Variants in MAP2K4 observed in about 807,000 individuals in gnomAD.
The protein encoded by MAP2K4 is mitogen-activated protein kinase kinase 4.
Under a neutral mutation model 48.5 loss-of-function variants are expected in MAP2K4, and 4 were observed. The observed-to-expected ratio is 0.08, with a 90% CI of 0.04 to 0.19. The LOEUF (loss-of-function observed/expected upper bound fraction) is 0.19. Ranked by LOEUF, MAP2K4 falls within the 10% of genes least tolerant of loss-of-function variation. MAP2K4 has a pLI of 1.00. For missense variants in MAP2K4, 258 were observed against 493.3 expected (o/e 0.52, Z 4.52); for synonymous variants, 166 against 173.1 (o/e 0.96, Z 0.32).
At chr17:12,031,438 A>G (rs1969434311) in intron 1 of MAP2K4, among the ~76,000 whole-genome samples, 1 of 152,246 alleles carries the variant, frequency 6.6e-6, no homozygotes, top group Non-Finnish European at 1.5e-5. Flanking sequence ...TCCCCAAAAC[A>G]CAAGCGTAGA....
chr17:12,125,979 C>T (rs1972838746), intron 8 of MAP2K4, among the ~76,000 whole-genome samples: 2 of 152,124 alleles, frequency 1.3e-5, no homozygotes, highest in Admixed American at 6.5e-5. Flanking sequence ...CTCCACAGGT[C>T]GTACAGGAGC....
chr17:12,065,735 G>GTA (rs1229301622), intron 2 of MAP2K4, among the ~76,000 whole-genome samples: 2 of 152,226 alleles, frequency 1.3e-5, no homozygotes, highest in African/African-American at 4.8e-5. Flanking sequence ...TGCCTGGCCA[G>GTA]TAACAATAAA....
rs74951353 is a variant in MAP2K4, at chr17:12,037,572, A to G, written c.115+16571A>G. Among the ~76,000 whole-genome samples, 1,150 of 152,258 alleles carry G rather than the reference A, an allele frequency of 7.6e-3. 19 individuals are homozygous for G. The highest frequency in any genetic ancestry group is 0.069 in the East Asian group (358 of 5,172). On this transcript the variant is annotated intron_variant, in intron 1 of 10. Transcript: ENST00000353533. ...TTAAATTCAACTGAGTTTGTCAGCAATCCTAAGAAACAAAATGTCATTTAC... is the reference window on the plus strand; with the variant it reads ...TTAAATTCAACTGAGTTTGTCAGCAGTCCTAAGAAACAAAATGTCATTTAC...
At chr17:12,094,146 G>T (rs573954725) in intron 3 of MAP2K4, among the ~76,000 whole-genome samples, 1 of 152,096 alleles carries the variant, frequency 6.6e-6, no homozygotes, top group African/African-American at 2.4e-5. Flanking sequence ...TTGTTTATCT[G>T]AGCATTGATA....
chr17:12,104,556 G>T, intron 4 of MAP2K4, among the ~76,000 whole-genome samples: 1 of 151,474 alleles, frequency 6.6e-6, no homozygotes, highest in South Asian at 2.1e-4. Flanking sequence ...ATGTATTTAG[G>T]CTTTTTTTAA....
In MAP2K4 at chr17:12,020,967, G is replaced by T; in HGVS notation, c.81G>T (p.Pro27=). 1 of 1,189,754 alleles carries T rather than the reference G, an allele frequency of 8.4e-7. No homozygotes were observed. Among genetic ancestry groups the T allele is most frequent in the Non-Finnish European group, 1.0e-6 (1 of 962,280 alleles). The allele number at this position is 1,189,754 out of a possible 1,614,324, so 73.7% of individuals were successfully genotyped here. A position where few individuals can be genotyped will look rare whatever the true frequency, so the allele number is the denominator to read the frequency against. Residue 27 remains proline (P), a synonymous_variant, in exon 1 of 11, where the codon CCG becomes CCT. Coordinates refer to ENST00000353533, the MANE Select transcript of MAP2K4 (RefSeq NM_003010.4). The part of the protein sequence containing the change: ...GSGTPGPVGS[P]APGHPAVSSM... ...GCACCCCCGGCCCCGTAGGGTCCCC[G>T]GCGCCAGGCCACCCGGCCGTCAGCA...
chr17:12,079,107 C>T (rs1314155114), intron 2 of MAP2K4, among the ~76,000 whole-genome samples: 2 of 152,020 alleles, frequency 1.3e-5, no homozygotes, highest in African/African-American at 4.8e-5. Flanking sequence ...TCTGCAGTTA[C>T]ACATTTAAAG....
At chr17:12,134,098 A>G (rs1973128830) in intron 9 of MAP2K4, among the ~76,000 whole-genome samples, 1 of 152,224 alleles carries the variant, frequency 6.6e-6, no homozygotes, top group South Asian at 2.1e-4. Context: ...AAATCCCTAT[A>G]GTAGGTGATG....
chr17:12,113,732 C>CA (rs2151578072), intron 7 of MAP2K4, among the ~76,000 whole-genome samples: 1 of 152,280 alleles, frequency 6.6e-6, no homozygotes, highest in African/African-American at 2.4e-5. Flanking sequence ...CTATGTATTA[C>CA]AGAGTCTGAA....
At chr17:12,021,912 T>C (rs933931540) in intron 1 of MAP2K4, among the ~76,000 whole-genome samples, 1 of 152,178 alleles carries the variant, frequency 6.6e-6, no homozygotes, top group Non-Finnish European at 1.5e-5. Flanking sequence ...GGGGGTGTTG[T>C]GAAAATACCA....
chr17:12,080,990 G>C (rs1016059780), intron 2 of MAP2K4, among the ~76,000 whole-genome samples: 1 of 152,098 alleles, frequency 6.6e-6, no homozygotes, highest in Admixed American at 6.5e-5. Flanking sequence ...GCAGCTCTTG[G>C]GATTCTCACT....
intron 3 of MAP2K4, among the ~76,000 whole-genome samples, chr17:12,085,422 C>A (rs1400090874): frequency 6.6e-6 from 1 of 151,692 alleles, no homozygotes; most frequent in Non-Finnish European, 1.5e-5. Flanking sequence ...GAGAAATTAT[C>A]TGGGTTAATC....
At chr17:12,126,559 AAG>A (rs1463465332) in intron 8 of MAP2K4, among the ~76,000 whole-genome samples, 1 of 152,220 alleles carries the variant, frequency 6.6e-6, no homozygotes, top group African/African-American at 2.4e-5. Flanking sequence ...CAGAAGAGGC[AAG>A]AGAGCTGTCT....
At chr17:12,058,837 G>GT (rs1292016235) in intron 2 of MAP2K4, among the ~76,000 whole-genome samples, 1 of 152,028 alleles carries the variant, frequency 6.6e-6, no homozygotes, top group Non-Finnish European at 1.5e-5. Flanking sequence ...GACCTCATTA[G>GT]TTTTTTTATT....
At chr17:12,025,390 CATG>C (rs1969222867) in intron 1 of MAP2K4, among the ~76,000 whole-genome samples, 1 of 152,130 alleles carries the variant, frequency 6.6e-6, no homozygotes, top group African/African-American at 2.4e-5. Flanking sequence ...TGTTATTAGA[CATG>C]ATTATTTGCC....
intron 2 of MAP2K4, among the ~76,000 whole-genome samples, chr17:12,059,556 T>C (rs1970385628): frequency 6.6e-6 from 1 of 152,030 alleles, no homozygotes; most frequent in South Asian, 2.1e-4. Flanking sequence ...AAGTTAACAC[T>C]GGAAATAAAT....
At chr17:12,112,663 A>G (rs1257485578) in intron 6 of MAP2K4, among the ~76,000 whole-genome samples, 1 of 152,132 alleles carries the variant, frequency 6.6e-6, no homozygotes. Flanking sequence ...AAGGACATGG[A>G]TAAAAGGACT....
In MAP2K4 at chr17:12,113,497, G is replaced by GTC. The variant is rs28923224; in HGVS notation, c.813+138_813+139dup. ...CCCTTACCCTAAGGCCCAAGCTCAGGTCCTAGCCTCTCCATGAAACTTTGC... is the reference window on the plus strand; with the variant it reads ...CCCTTACCCTAAGGCCCAAGCTCAGGTCTCCTAGCCTCTCCATGAAACTTTGC... On this transcript the variant is annotated intron_variant, in intron 7 of 10. Coordinates refer to ENST00000353533, the MANE Select transcript of MAP2K4 (RefSeq NM_003010.4). 18 of 985,126 alleles carry GTC rather than the reference G, an allele frequency of 1.8e-5. No homozygotes were observed. The African/African-American group carries it at 2.9e-4, about 16-fold the overall frequency. 61.0% of individuals were successfully genotyped at this position (985,126 alleles called of 1,614,324 possible).
chr17:12,098,562 T>C (rs1054891120), intron 4 of MAP2K4, among the ~76,000 whole-genome samples: 1 of 152,050 alleles, frequency 6.6e-6, no homozygotes, highest in Non-Finnish European at 1.5e-5. Context: ...AATAAGACTT[T>C]AAAGAAACAT....
Sources: allele counts gnomAD v4.1 joint callset (sites outside exome capture counted in the v4.1 genomes callset), GRCh38; gene constraint gnomAD v4.1.1; transcripts MANE v1.5; gene names NCBI Gene and HGNC (gene_info 2026-07-23, HGNC 2026-07-21).